The following SLC24A1 variants were observed in gnomAD, a reference collection of about 807,000 sequenced individuals.
The protein encoded by SLC24A1 is sodium/potassium/calcium exchanger 1.
In SLC24A1, 52 loss-of-function variants were observed where a neutral mutation model predicts 88.1. The observed-to-expected ratio is 0.59, with a 90% CI of 0.47 to 0.74. The LOEUF (loss-of-function observed/expected upper bound fraction) is 0.74, where lower values mean the gene tolerates loss of function less well. Among genes scored for constraint, SLC24A1 ranks in the 30% least tolerant of loss-of-function variants. The probability of loss-of-function intolerance (pLI) is 0.00; values close to 1 mark genes in which losing one functional copy is unlikely to be tolerated. For synonymous variants in SLC24A1, 455 were observed against 498.0 expected (o/e 0.91, Z 1.15); for missense variants, 1,173 against 1,363.3 (o/e 0.86, Z 2.20).
At position 65,624,369 on chromosome 15, in the gene SLC24A1, G is replaced by A. The variant is rs370655821; in HGVS notation, c.289G>A (p.Val97Met). 4.3e-6 allele frequency: 7 copies of A among 1,613,662 alleles called. No homozygotes were observed. In the African/African-American group the frequency reaches 9.3e-5, roughly 22 times the overall value. The change falls in exon 2 of 10, where the codon GTG (valine) becomes ATG (methionine). Residue 97 changes from valine (V) to methionine (M), a missense_variant. Transcript: ENST00000261892. ...TAAGATGCTGGTACCCCAAGCCTCAGTGGGCAGTGATGAAGCAACACTGAG... is the reference window on the plus strand; with the variant it reads ...TAAGATGCTGGTACCCCAAGCCTCAATGGGCAGTGATGAAGCAACACTGAG... The part of the protein sequence containing the change: ...GGKMLVPQAS[V>M]GSDEATLSMT...
chr15:65,651,675 T>C lies in SLC24A1; in HGVS notation c.2799T>C (p.Ser933=). The C allele has an allele frequency of 6.3e-7, 1 of 1,578,180 alleles. No individual in the cohort carries two copies. Among genetic ancestry groups the C allele is most frequent in the Non-Finnish European group, 8.7e-7 (1 of 1,147,832 alleles). ...LTVPDVRRQE[S]RKFFVFTFLG... ...CTTTTCAAACTTTCAAACAGGAGTC[T>C]AGGAAGTTTTTTGTTTTCACCTTCC... Residue 933 remains serine (S), a synonymous_variant, in exon 8 of 10, where the codon TCT becomes TCC. Coordinates refer to ENST00000261892, the MANE Select transcript of SLC24A1 (RefSeq NM_004727.3).
chr15:65,612,956 G>A (rs2074014044), intron 2 of SLC24A1, among the ~76,000 whole-genome samples: 1 of 152,172 alleles, frequency 6.6e-6, no homozygotes, highest in Admixed American at 6.5e-5. Context: ...GTTACTTAGG[G>A]CAACTAGTTT....
At chr15:65,631,704 T>G (rs2074731229) in intron 2 of SLC24A1, among the ~76,000 whole-genome samples, 1 of 152,210 alleles carries the variant, frequency 6.6e-6, no homozygotes, top group South Asian at 2.1e-4. Context: ...TGGGAGCTAT[T>G]AGTTTGGTGC....
At chr15:65,621,693 T>A (rs1322993787), upstream of SLC24A1, among the ~76,000 whole-genome samples, 2 of 152,196 alleles carry the variant, frequency 1.3e-5, no homozygotes, top group African/African-American at 4.8e-5. Context: ...TTCCACCATC[T>A]AAGCATGGAA....
chr15:65,639,776 G>A, intron 4 of SLC24A1, 73 bp downstream of exon 4: 1 of 977,118 alleles, frequency 1.0e-6, no homozygotes, highest in Non-Finnish European at 1.6e-6. Flanking sequence ...GAGAAGAACT[G>A]GGACCTGAAA....
At chr15:65,644,549 C>T (rs948384299) in intron 5 of SLC24A1, 36 bp downstream of exon 5, 7 of 1,395,802 alleles carry the variant, frequency 5.0e-6, no homozygotes, top group Non-Finnish European at 5.0e-6. Context: ...TTTTCTCCTG[C>T]CCCCCTCTCC....
At chr15:65,653,063 A>C in intron 9 of SLC24A1, 1 of 323,004 alleles carries the variant, frequency 3.1e-6, no homozygotes, top group Non-Finnish European at 5.7e-6. Context: ...ATTTCATTCC[A>C]TTACCAAATA....
chr15:65,639,724 C>A lies in SLC24A1; in HGVS notation c.2053+21C>A, dbSNP rs191848957. The A allele has an allele frequency of 9.5e-5, 146 of 1,535,116 alleles. 3 individuals carry two copies. The South Asian group carries it at 1.3e-3, about 14-fold the overall frequency. On this transcript the variant is annotated intron_variant, in intron 4 of 9. Transcript: ENST00000261892. ...GGAAGGTAAGCAAGGCCTCTCCAGA[C>A]CTTTGTGGTTTGCCCCATCCACTCC...
At chr15:65,615,879 C>A (rs1457978197) in intron 2 of SLC24A1, among the ~76,000 whole-genome samples, 1 of 103,058 alleles carries the variant, frequency 9.7e-6, no homozygotes, top group Admixed American at 1.0e-4. Context: ...CCCTCCCCCA[C>A]CCCCCCACCC....
chr15:65,624,893 T>C lies in SLC24A1; in HGVS notation c.813T>C (p.Ser271=), dbSNP rs1200556389. 6.2e-7 allele frequency: 1 copy of C among 1,613,858 alleles called. No individual in the cohort carries two copies. Among genetic ancestry groups the C allele is most frequent in the East Asian group, 2.2e-5 (1 of 44,886 alleles). The change falls in exon 2 of 10, where the codon TCT becomes TCC. Residue 271 remains serine (S), a synonymous_variant. Transcript: ENST00000261892. The part of the protein sequence containing the change: ...THEVEANVLT[S]PRSVMEKNNL... ...AGGTAGAAGCAAACGTCTTGACTTC[T>C]CCAAGGAGCGTCATGGAAAAAAACA...
chr15:65,652,001 C>CTGAACTTGGCTTATTAGCCTTA, intron 8 of SLC24A1: 1 of 495,066 alleles, frequency 2.0e-6, no homozygotes, highest in Non-Finnish European at 3.8e-6. Flanking sequence ...CTGATTCCAG[C>CTGAACTTGGCTTATTAGCCTTA]TGAACTTGGC....
chr15:65,623,914 TC>T, intron 1 of SLC24A1, 40 bp from the exon 2 acceptor site: 1 of 565,740 alleles, frequency 1.8e-6, no homozygotes, highest in East Asian at 2.9e-5. Flanking sequence ...ATCCCAGATC[TC>T]CTCTTAGTGG....
Position 65,650,592 on chromosome 15 carries a change from C to G in SLC24A1, c.2443C>G (p.His815Asp), listed in dbSNP as rs1434082647. ...DNEGEDEGEI[H>D]AEDGEMKGNE... is the part of the protein sequence containing the mutation. ...TGAAGGTGAAGATGAGGGTGAAATCCACGCAGAAGATGGTGAAATGAAAGG... is the reference window on the plus strand; with the variant it reads ...TGAAGGTGAAGATGAGGGTGAAATCGACGCAGAAGATGGTGAAATGAAAGG... Residue 815 changes from histidine to aspartate, a missense_variant, in exon 7 of 10, where the codon CAC becomes GAC. His to Asp is a moderately conservative substitution (Grantham distance 81, BLOSUM62 -1). Coordinates refer to ENST00000261892, the MANE Select transcript of SLC24A1 (RefSeq NM_004727.3). This position sits in a 1 kb window ranked among gnomAD's most constrained non-coding sequence, Gnocchi z 4.1. The G allele has an allele frequency of 1.9e-6, 3 of 1,551,572 alleles. No homozygotes were observed. The highest frequency in any genetic ancestry group is 2.6e-6 in the Non-Finnish European group (3 of 1,146,956).
downstream of SLC24A1, among the ~76,000 whole-genome samples, chr15:65,656,836 A>C (rs2075699033): frequency 6.6e-6 from 1 of 152,196 alleles, no homozygotes; most frequent in African/African-American, 2.4e-5. Flanking sequence ...ATGTATTCCA[A>C]ATTTTTCAAA....
intron 2 of SLC24A1, among the ~76,000 whole-genome samples, chr15:65,634,740 C>CAAAAAAA (rs5813364): frequency 1.5e-4 from 14 of 90,496 alleles, no homozygotes; most frequent in Non-Finnish European, 2.0e-4. Flanking sequence ...TCAAAAGCAC[C>CAAAAAAA]AAAAAAAAAA....
chr15:65,635,216 G>A (rs2074875897), intron 2 of SLC24A1, among the ~76,000 whole-genome samples: 1 of 151,734 alleles, frequency 6.6e-6, no homozygotes, highest in Non-Finnish European at 1.5e-5. Context: ...CAGGCGCAGT[G>A]GCTCACGCCT....
At chr15:65,617,426 C>T (rs1255056911), upstream of SLC24A1, among the ~76,000 whole-genome samples, 2 of 152,126 alleles carry the variant, frequency 1.3e-5, no homozygotes, top group African/African-American at 2.4e-5. Flanking sequence ...TGTAGTTCTC[C>T]TTGAGGAGGT....
In SLC24A1 at chr15:65,646,808, A is replaced by G. The variant is rs533857471; in HGVS notation, c.2232+1105A>G. Among the ~76,000 whole-genome samples the G allele has an allele frequency of 2.1e-3, 314 of 152,334 alleles. 2 individuals are homozygous for G. The highest frequency in any genetic ancestry group is 7.3e-3 in the African/African-American group (305 of 41,578). On this transcript the variant is annotated intron_variant, in intron 6 of 9. Transcript: ENST00000261892. ...CAATACCCAGAAAACGCTTGATTAT[A>G]TCTCATCCTTAAGCCAGCAACTTTG...
chr15:65,647,194 C>T (rs2075328306), intron 6 of SLC24A1, among the ~76,000 whole-genome samples: 1 of 152,078 alleles, frequency 6.6e-6, no homozygotes, highest in Non-Finnish European at 1.5e-5. Flanking sequence ...GAGAGAGAAT[C>T]GGGCCGGGTG....
Sources: gnomAD v4.1 joint callset for allele counts (sites outside exome capture counted in the v4.1 genomes callset) on GRCh38, gnomAD v4.1.1 for gene constraint, Gnocchi (gnomAD v3.1) non-coding constraint, MANE v1.5 for transcripts, NCBI Gene and HGNC (gene_info 2026-07-23, HGNC 2026-07-21) for gene names.